The following BRAF variants were observed in gnomAD, a reference collection of about 807,000 sequenced individuals.
BRAF encodes B-Raf proto-oncogene, serine/threonine kinase, also known as serine/threonine-protein kinase B-raf.
Under a neutral mutation model 104.6 loss-of-function variants are expected in BRAF, and 16 were observed. The ratio of observed to expected loss-of-function variants is 0.15; its 90% CI spans 0.10 to 0.23. The LOEUF (loss-of-function observed/expected upper bound fraction) is 0.23. BRAF is among the 10% of genes least tolerant of loss of function. The pLI is 1.00. For synonymous variants in BRAF, 310 were observed against 341.6 expected (o/e 0.91, Z 1.02); for missense variants, 541 against 937.3 (o/e 0.58, Z 5.52).
chr7:140,847,094 C>T (rs1413165047), intron 2 of BRAF, among the ~76,000 whole-genome samples: 3 of 151,970 alleles, frequency 2.0e-5, no homozygotes, highest in Non-Finnish European at 4.4e-5. Context: ...GAGGAGGCTG[C>T]AGTGAGCTGA....
At chr7:140,903,714 C>T (rs1389687944) in intron 1 of BRAF, among the ~76,000 whole-genome samples, 2 of 152,186 alleles carry the variant, frequency 1.3e-5, no homozygotes, top group Admixed American at 6.5e-5. Flanking sequence ...TCACCTTTCT[C>T]GATGCCATAA....
Position 140,721,348 on chromosome 7 carries a change from TTC to T in BRAF, c.*5144_*5145del. The T allele has an allele frequency of 8.3e-7, 1 of 1,211,248 alleles. No individual in the cohort carries two copies. Among genetic ancestry groups the T allele is most frequent in the East Asian group, 3.3e-5 (1 of 30,240 alleles). The allele number at this position is 1,211,248 out of a possible 1,614,324, so 75.0% of individuals were successfully genotyped here. On this transcript the variant is annotated 3_prime_UTR_variant, in exon 20 of 20. Transcript: ENST00000644969. ...TAATTTAAGATTTTAGGAGTTGGGT[TTC>T]TGTCCTTTTCCACATTAAAAATACC...
Position 140,723,665 on chromosome 7 carries a change from T to C in BRAF, c.*2829A>G. ...AATACTACACAGTTACAAACAATCC[T>C]CTGTAGTTGCTCTCAAATTTTTCAG... On this transcript the variant is annotated 3_prime_UTR_variant, in exon 20 of 20. Transcript: ENST00000644969. The C allele has an allele frequency of 9.5e-7, 1 of 1,050,938 alleles. No homozygotes were observed. The highest frequency in any genetic ancestry group is 1.1e-6 in the Non-Finnish European group (1 of 870,260). 65.1% of individuals were successfully genotyped at this position (1,050,938 alleles called of 1,614,324 possible). A position where few individuals can be genotyped will look rare whatever the true frequency, so the allele number is the denominator to read the frequency against.
At chr7:140,802,935 G>A (rs1279575897) in intron 5 of BRAF, among the ~76,000 whole-genome samples, 2 of 152,122 alleles carry the variant, frequency 1.3e-5, no homozygotes, top group Non-Finnish European at 2.9e-5. Context: ...GCAATTTCCA[G>A]TCCTAAAAGC....
At chr7:140,920,188 T>C (rs1427028538) in intron 1 of BRAF, among the ~76,000 whole-genome samples, 1 of 152,206 alleles carries the variant, frequency 6.6e-6, no homozygotes, top group Non-Finnish European at 1.5e-5. Flanking sequence ...CATACTGGAT[T>C]TCATAAAACA....
intron 16 of BRAF, 95 bp from the exon 16 acceptor site, chr7:140,749,513 T>C: frequency 1.5e-6 from 2 of 1,305,582 alleles, no homozygotes; most frequent in Admixed American, 3.6e-5. Flanking sequence ...CTTTTACCAT[T>C]AAAACACCTG....
chr7:140,721,887 T>C lies in BRAF; in HGVS notation c.*4607A>G. 1 of 1,256,988 alleles carries C rather than the reference T, an allele frequency of 8.0e-7. No individual in the cohort carries two copies. Among genetic ancestry groups the C allele is most frequent in the Non-Finnish European group, 1.0e-6 (1 of 1,002,946 alleles). 77.9% of individuals were successfully genotyped at this position (1,256,988 alleles called of 1,614,324 possible). A position where few individuals can be genotyped will look rare whatever the true frequency, so the allele number is the denominator to read the frequency against. On this transcript the variant is annotated 3_prime_UTR_variant, in exon 20 of 20. Coordinates refer to ENST00000644969, the MANE Select transcript of BRAF (RefSeq NM_001374258.1). ...GGATGACTAACGCAGTCCAGCTTCA[T>C]GTGCAATCAAGTCCCGGGAAGAAAT...
chr7:140,716,714 C>CTTTG (rs1795136467), downstream of BRAF, among the ~76,000 whole-genome samples: 1 of 152,192 alleles, frequency 6.6e-6, no homozygotes, highest in Non-Finnish European at 1.5e-5. Flanking sequence ...ACGTTTGTAA[C>CTTTG]TTTGTTAGTT....
chr7:140,791,267 A>T (rs1801936376), intron 8 of BRAF, among the ~76,000 whole-genome samples: 1 of 152,208 alleles, frequency 6.6e-6, no homozygotes, highest in Admixed American at 6.5e-5. Flanking sequence ...TGGCCCTCTA[A>T]AACAGCTCTC....
At chr7:140,754,166 G>C (rs2128999502) in intron 15 of BRAF, 21 bp downstream of exon 14, 1 of 1,610,618 alleles carries the variant, frequency 6.2e-7, no homozygotes. Context: ...AAACTTCGCA[G>C]ACAAATTTCA....
intron 1 of BRAF, among the ~76,000 whole-genome samples, chr7:140,872,401 T>C (rs1358541393): frequency 6.6e-6 from 1 of 151,700 alleles, no homozygotes; most frequent in Non-Finnish European, 1.5e-5. Context: ...GAGAGTAAAG[T>C]TAATATCCCA....
chr7:140,882,704 T>TA (rs936549687), intron 1 of BRAF, among the ~76,000 whole-genome samples: 13 of 149,446 alleles, frequency 8.7e-5, no homozygotes, highest in Non-Finnish European at 1.0e-4. Flanking sequence ...AAAAAGGACC[T>TA]ATCTTTGGCT....
At chr7:140,757,961 A>G (rs1308326603) in intron 14 of BRAF, 1 of 152,228 alleles carries the variant, frequency 6.6e-6, no homozygotes, top group East Asian at 1.9e-4. Flanking sequence ...GATTATCATT[A>G]AAATGCCTAT....
At chr7:140,759,566 A>T (rs1798494405) in intron 14 of BRAF, among the ~76,000 whole-genome samples, 1 of 152,136 alleles carries the variant, frequency 6.6e-6, no homozygotes, top group South Asian at 2.1e-4. Context: ...TTGTATTTTT[A>T]GTAGAGATGG....
At chr7:140,739,560 G>A (rs1796735601) in intron 18 of BRAF, among the ~76,000 whole-genome samples, 1 of 151,444 alleles carries the variant, frequency 6.6e-6, no homozygotes, top group African/African-American at 2.4e-5. Flanking sequence ...GTGTAAAAGA[G>A]TTCAAAGACT....
chr7:140,808,577 T>C (rs1201150479), intron 4 of BRAF, among the ~76,000 whole-genome samples: 1 of 151,924 alleles, frequency 6.6e-6, no homozygotes, highest in Non-Finnish European at 1.5e-5. Context: ...AACTATGAGT[T>C]TGTATTAAAA....
chr7:140,734,380 A>C (rs1321093530), intron 19 of BRAF: 16 of 1,392,846 alleles, frequency 1.1e-5, no homozygotes, highest in African/African-American at 1.4e-5. Context: ...AATTTTTAGC[A>C]ATGTCTATGT....
At position 140,781,234 on chromosome 7, in the gene BRAF, A is replaced by T; in HGVS notation, c.1552+342T>A. ...GCATAAGCCACTGCGCCCAGCCATT[A>T]AGTACATTTTTAATATGTTTACTTG... On this transcript the variant is annotated intron_variant, in intron 12 of 19. Transcript: ENST00000644969. The T allele has an allele frequency of 1.3e-5, 4 of 304,518 alleles. No individual in the cohort carries two copies. In the South Asian group the frequency reaches 1.3e-4, roughly 10 times the overall value. 18.9% of individuals were successfully genotyped at this position (304,518 alleles called of 1,614,324 possible).
chr7:140,801,055 G>T, intron 6 of BRAF: 1 of 221,274 alleles, frequency 4.5e-6, no homozygotes. Flanking sequence ...TTACAAAATA[G>T]CTAACAGAAT....
Sources: allele counts gnomAD v4.1 joint callset (sites outside exome capture counted in the v4.1 genomes callset), GRCh38; gene constraint gnomAD v4.1.1; transcripts MANE v1.5; gene names NCBI Gene and HGNC (gene_info 2026-07-23, HGNC 2026-07-21).